The following CCSER2 variants were observed in gnomAD, a reference collection of about 807,000 sequenced individuals.
The protein encoded by CCSER2 is coiled-coil serine rich protein 2, also known as serine-rich coiled-coil domain-containing protein 2.
In CCSER2, 46 loss-of-function variants were observed where a neutral mutation model predicts 92.3. That is an observed-to-expected ratio of 0.50 (90% CI 0.39 to 0.64). The LOEUF is 0.64. Among genes scored for constraint, CCSER2 ranks in the 30% least tolerant of loss-of-function variants. The pLI, the probability that CCSER2 is intolerant of heterozygous loss-of-function variation, is 0.00. For synonymous variants in CCSER2, 433 were observed against 431.4 expected, an observed-to-expected ratio of 1.00 and a Z score of -0.04; for missense variants, 1,244 against 1,238.9, an observed-to-expected ratio of 1.00 and a Z score of -0.06.
intron 5 of CCSER2, among the ~76,000 whole-genome samples, chr10:84,437,710 GTTT>G (rs769780704): frequency 2.4e-5 from 3 of 126,800 alleles, no homozygotes; most frequent in Non-Finnish European, 3.4e-5. Flanking sequence ...TTTTAGAGTA[GTTT>G]TTTTTTTTTT....
At chr10:84,494,348 C>T (rs1848332027) in intron 9 of CCSER2, among the ~76,000 whole-genome samples, 1 of 152,132 alleles carries the variant, frequency 6.6e-6, no homozygotes, top group African/African-American at 2.4e-5. Flanking sequence ...CTTTCATTGC[C>T]ATCTTGGTTG....
At chr10:84,391,469 T>G in intron 3 of CCSER2, 1 of 1,566,358 alleles carries the variant, frequency 6.4e-7, no homozygotes, top group African/African-American at 1.4e-5. Flanking sequence ...AAAAGCTTGC[T>G]TTCAGCATGT....
chr10:84,488,401 A>G (rs1372073334), intron 9 of CCSER2, among the ~76,000 whole-genome samples: 1 of 152,088 alleles, frequency 6.6e-6, no homozygotes, highest in Non-Finnish European at 1.5e-5. Context: ...GCTCTTAATT[A>G]TTGCCTCAAT....
At position 84,516,742 on chromosome 10, in the gene CCSER2, T is replaced by C. The variant is rs1849609834; in HGVS notation, c.*2475T>C. The C allele has an allele frequency of 6.6e-6, 1 of 152,206 alleles. No individual in the cohort carries two copies. Among genetic ancestry groups the C allele is most frequent in the African/African-American group, 2.4e-5 (1 of 41,466 alleles). 9.4% of individuals were successfully genotyped at this position (152,206 alleles called of 1,614,324 possible). A position where few individuals can be genotyped will look rare whatever the true frequency, so the allele number is the denominator to read the frequency against. ...TCCATGTATTTACTCCATTTTTCTC[T>C]ATTTTTTCCTTCCCTGATGGATTTG... On this transcript the variant is annotated 3_prime_UTR_variant, in exon 10 of 10. Coordinates refer to ENST00000372088, the MANE Select transcript of CCSER2 (RefSeq NM_001284240.2).
intron 1 of CCSER2, among the ~76,000 whole-genome samples, chr10:84,352,569 T>C (rs771597846): frequency 6.6e-6 from 1 of 151,836 alleles, no homozygotes; most frequent in Non-Finnish European, 1.5e-5. Flanking sequence ...GTAGTATCTT[T>C]ATATTTCAAA....
intron 3 of CCSER2, among the ~76,000 whole-genome samples, chr10:84,401,791 A>G: frequency 6.6e-6 from 1 of 152,230 alleles, no homozygotes; most frequent in Non-Finnish European, 1.5e-5. Flanking sequence ...TTGTAATTTT[A>G]TGTGGCTTCA....
At chr10:84,420,926 C>T (rs1843114544) in intron 4 of CCSER2, among the ~76,000 whole-genome samples, 1 of 97,022 alleles carries the variant, frequency 1.0e-5, no homozygotes, top group Non-Finnish European at 2.3e-5. Context: ...GAGCGAGACT[C>T]CATCTCAAAA....
Sources: gnomAD v4.1 joint callset for allele counts (sites outside exome capture counted in the v4.1 genomes callset) on GRCh38, gnomAD v4.1.1 for gene constraint, MANE v1.5 for transcripts, NCBI Gene and HGNC (gene_info 2026-07-23, HGNC 2026-07-21) for gene names.